The following RERE variants were observed in gnomAD, a reference collection of about 807,000 sequenced individuals.
The protein encoded by RERE is arginine-glutamic acid dipeptide repeats, also known as arginine-glutamic acid dipeptide repeats protein.
RERE carries 40 observed loss-of-function variants against 146.1 expected under a neutral mutation model. The ratio of observed to expected loss-of-function variants is 0.27; its 90% CI spans 0.21 to 0.36. The LOEUF (loss-of-function observed/expected upper bound fraction) is 0.36, where lower values mean the gene tolerates loss of function less well. RERE is among the 10% of genes least tolerant of loss of function. The pLI, the probability that RERE is intolerant of heterozygous loss-of-function variation, is 1.00. For synonymous variants in RERE, 1,003 were observed against 866.0 expected, an observed-to-expected ratio of 1.16 and a Z score of -2.78; for missense variants, 1,933 against 2,138.7, an observed-to-expected ratio of 0.90 and a Z score of 1.90.
At chr1:8,555,784 A>T (rs1646000175) in intron 6 of RERE, among the ~76,000 whole-genome samples, 2 of 152,164 alleles carry the variant, frequency 1.3e-5, no homozygotes, top group African/African-American at 4.8e-5. Context: ...CAAAGATGCA[A>T]ATGTCATGGT....
chr1:8,633,531 T>C (rs1276602194), intron 2 of RERE, among the ~76,000 whole-genome samples: 1 of 152,188 alleles, frequency 6.6e-6, no homozygotes, highest in African/African-American at 2.4e-5. Flanking sequence ...CCGTGAGTGA[T>C]TTTTCTTCTT....
rs377173166 is a variant in RERE, at chr1:8,360,684, C to T, written c.2823G>A (p.Ala941=). The T allele has an allele frequency of 2.4e-5, 37 of 1,537,252 alleles. No individual in the cohort carries two copies. The highest frequency in any genetic ancestry group is 5.9e-5 in the Admixed American group (3 of 50,714). ...GGGGAGGGTGCTTGTGGGCCTGTGG[C>T]GCCGGCAGCTGGGGGATGGGAGTGG... ...PPTTPIPQLP[A]PQAHKHPPHL... Residue 941 remains alanine, a synonymous_variant, in exon 18 of 23, where the codon GCG becomes GCA. Transcript: ENST00000400908.
chr1:8,798,750 G>A (rs1243477213), intron 1 of RERE: 4 of 151,718 alleles, frequency 2.6e-5, no homozygotes, highest in African/African-American at 9.7e-5. Flanking sequence ...GGAGGGCAGT[G>A]GCGCAATCTC....
At chr1:8,806,632 T>C (rs1303835193) in intron 1 of RERE, 1 of 152,158 alleles carries the variant, frequency 6.6e-6, no homozygotes, top group East Asian at 1.9e-4. Flanking sequence ...TATTCATTCA[T>C]TTAACAAATG....
chr1:8,691,841 A>C (rs1570614259), intron 1 of RERE, among the ~76,000 whole-genome samples: 1 of 152,194 alleles, frequency 6.6e-6, no homozygotes, highest in African/African-American at 2.4e-5. Flanking sequence ...ATGCAGAGTC[A>C]AACGCTCTAA....
At chr1:8,736,584 C>T (rs1191990459) in intron 1 of RERE, among the ~76,000 whole-genome samples, 1 of 152,084 alleles carries the variant, frequency 6.6e-6, no homozygotes, top group Non-Finnish European at 1.5e-5. Flanking sequence ...ATTTTATCAA[C>T]TTCAAAACAA....
At chr1:8,784,116 C>A (rs1449396610) in intron 1 of RERE, among the ~76,000 whole-genome samples, 3 of 152,218 alleles carry the variant, frequency 2.0e-5, no homozygotes, top group Non-Finnish European at 4.4e-5. Flanking sequence ...CTACCCCCTG[C>A]TCATTCTGCT....
At chr1:8,502,714 T>C (rs1224392810) in intron 8 of RERE, among the ~76,000 whole-genome samples, 2 of 150,552 alleles carry the variant, frequency 1.3e-5, no homozygotes, top group Admixed American at 1.3e-4. Flanking sequence ...GAAGTAGATA[T>C]GGGAGACTTT....
intron 12 of RERE, among the ~76,000 whole-genome samples, chr1:8,413,047 C>A (rs2124459156): frequency 6.6e-6 from 1 of 152,232 alleles, no homozygotes; most frequent in African/African-American, 2.4e-5. Flanking sequence ...GAAGAGTTTT[C>A]ACGTCTTAGG....
At chr1:8,707,504 T>C (rs1639581249) in intron 1 of RERE, among the ~76,000 whole-genome samples, 1 of 152,000 alleles carries the variant, frequency 6.6e-6, no homozygotes, top group Non-Finnish European at 1.5e-5. Flanking sequence ...TTTGGGCCAC[T>C]TTCCAAGACC....
intron 11 of RERE, among the ~76,000 whole-genome samples, chr1:8,432,821 C>CT (rs1644112983): frequency 6.6e-6 from 1 of 151,958 alleles, no homozygotes; most frequent in African/African-American, 2.4e-5. Flanking sequence ...AGATTTGTTT[C>CT]TTTTTTTCCA....
At chr1:8,658,159 TTA>T (rs1184465654) in intron 1 of RERE, among the ~76,000 whole-genome samples, 1 of 152,208 alleles carries the variant, frequency 6.6e-6, no homozygotes, top group Non-Finnish European at 1.5e-5. Flanking sequence ...AATAAATAAT[TTA>T]TCTTTTGTTT....
Position 8,358,794 on chromosome 1 carries a change from C to T in RERE, c.3741G>A (p.Gly1247=), listed in dbSNP as rs1641418029. Residue 1247 remains glycine (G), a synonymous_variant, in exon 20 of 23, where the codon GGG becomes GGA. Coordinates refer to ENST00000400908, the MANE Select transcript of RERE (RefSeq NM_001042681.2). The part of the protein sequence containing the change: ...TTIAAVPPYI[G]PDTPALRTLS... The stretch of plus-strand genomic sequence containing the variant: ...GAGTCCGAAGGGCAGGTGTGTCGGG[C>T]CCGATGTAGGGGGGCACAGCAGCAA... 3.1e-6 allele frequency: 5 copies of T among 1,612,468 alleles called. No individual in the cohort carries two copies. Among genetic ancestry groups the T allele is most frequent in the Non-Finnish European group, 3.4e-6 (4 of 1,179,310 alleles).
At chr1:8,485,195 C>G (rs938514233) in intron 10 of RERE, among the ~76,000 whole-genome samples, 1 of 152,086 alleles carries the variant, frequency 6.6e-6, no homozygotes, top group Non-Finnish European at 1.5e-5. Context: ...AACCCCGTCT[C>G]TACTAAGAAT....
Position 8,630,755 on chromosome 1 carries a change from T to C in RERE, c.326-6375A>G, listed in dbSNP as rs555563487. ...ATACATACGTACATATATACACACATACATACATGGAAAAGGAAACAAAAA... is the reference window on the plus strand; with the variant it reads ...ATACATACGTACATATATACACACACACATACATGGAAAAGGAAACAAAAA... On this transcript the variant is annotated intron_variant, in intron 2 of 22. Transcript: ENST00000400908. Among the ~76,000 whole-genome samples, 4 of 152,190 alleles carry C rather than the reference T, an allele frequency of 2.6e-5. No individual in the cohort carries two copies. In the South Asian group the frequency reaches 8.3e-4, roughly 32 times the overall value.
chr1:8,769,048 G>A (rs1191035346), intron 1 of RERE, among the ~76,000 whole-genome samples: 1 of 152,174 alleles, frequency 6.6e-6, no homozygotes, highest in East Asian at 1.9e-4. Context: ...GTAAAAGCAT[G>A]TATCCATGCT....
intron 4 of RERE, among the ~76,000 whole-genome samples, chr1:8,584,932 T>C (rs1232355141): frequency 2.6e-5 from 4 of 151,986 alleles, no homozygotes; most frequent in Non-Finnish European, 5.9e-5. Flanking sequence ...TGGATCACTT[T>C]AGTCAGGAGT....
At chr1:8,552,557 T>C (rs1165252456) in intron 6 of RERE, among the ~76,000 whole-genome samples, 1 of 152,146 alleles carries the variant, frequency 6.6e-6, no homozygotes, top group Non-Finnish European at 1.5e-5. Context: ...GGAGAAAGAA[T>C]AAATTATTTC....
chr1:8,725,423 G>A (rs753510983), intron 1 of RERE, among the ~76,000 whole-genome samples: 3 of 152,144 alleles, frequency 2.0e-5, no homozygotes, highest in Non-Finnish European at 2.9e-5. Flanking sequence ...AAAATTATCC[G>A]GGCATGGTGG....
Sources: gnomAD v4.1 joint callset for allele counts (sites outside exome capture counted in the v4.1 genomes callset) on GRCh38, gnomAD v4.1.1 for gene constraint, MANE v1.5 for transcripts, NCBI Gene and HGNC (gene_info 2026-07-23, HGNC 2026-07-21) for gene names.